Variants in MMS19 observed in about 807,000 individuals in gnomAD.
MMS19 encodes MMS19 cytosolic iron-sulfur assembly component.
MMS19 carries 77 observed loss-of-function variants against 129.8 expected under a neutral mutation model. The observed-to-expected ratio is 0.59, with a 90% CI of 0.49 to 0.72. The LOEUF is 0.72. Ranked by LOEUF, MMS19 falls within the 30% of genes least tolerant of loss-of-function variation. The pLI is 0.00. For synonymous variants in MMS19, 491 were observed against 502.8 expected (o/e 0.98, Z 0.31); for missense variants, 1,168 against 1,266.3 (o/e 0.92, Z 1.18).
intron 19 of MMS19, among the ~76,000 whole-genome samples, chr10:97,463,452 C>A (rs1200737437): frequency 6.6e-6 from 1 of 152,190 alleles, no homozygotes; most frequent in Non-Finnish European, 1.5e-5. Context: ...AACCATGGCG[C>A]CAGCCTAGAC....
intron 1 of MMS19, among the ~76,000 whole-genome samples, chr10:97,485,770 TGA>T (rs1177255849): frequency 6.6e-6 from 1 of 152,186 alleles, no homozygotes; most frequent in East Asian, 1.9e-4. Flanking sequence ...AAAGCACTAG[TGA>T]GATATCACTT....
intron 14 of MMS19, 143 bp downstream of exon 14, chr10:97,467,362 C>G: frequency 1.6e-6 from 1 of 620,012 alleles, no homozygotes; most frequent in East Asian, 2.7e-5. Context: ...TCCATCTCAT[C>G]TGTTAAGTGT....
chr10:97,494,138 C>T (rs1482762715), intron 1 of MMS19, among the ~76,000 whole-genome samples: 6 of 152,160 alleles, frequency 3.9e-5, no homozygotes, highest in African/African-American at 9.7e-5. Context: ...ACGGTATTTT[C>T]GCTGGTATCA....
chr10:97,477,192 T>C (rs2035922829), intron 6 of MMS19, 155 bp downstream of exon 6: 9 of 1,487,756 alleles, frequency 6.0e-6, no homozygotes, highest in African/African-American at 1.4e-5. Context: ...CTTTCTTTAC[T>C]TCACTGGGAG....
At chr10:97,498,627 A>C, upstream of MMS19, 4 of 497,076 alleles carry the variant, frequency 8.0e-6, no homozygotes, top group Non-Finnish European at 3.5e-6. Context: ...AATAATTCCC[A>C]GCCCGGCTCC....
chr10:97,459,887 T>C, intron 26 of MMS19, 146 bp from the exon 27 acceptor site: 5 of 988,538 alleles, frequency 5.1e-6, no homozygotes, highest in Non-Finnish European at 7.5e-6. Flanking sequence ...GATACGCCCA[T>C]GAAAGGAAGA....
chr10:97,498,296 C>T lies in MMS19; in HGVS notation c.89G>A (p.Gly30Asp), dbSNP rs1247790704. 6.4e-7 allele frequency: 1 copy of T among 1,570,462 alleles called. No homozygotes were observed. The highest frequency in any genetic ancestry group is 1.8e-5 in the Admixed American group (1 of 55,494). Reference protein sequence around the residue: ...VHDFVVGQQEGPADQVAADVK... With the variant: ...VHDFVVGQQEDPADQVAADVK... ...ACCTGCAGCCACCTGGTCAGCGGGGCCCTCTTGCTGACCCACGACGAAGTC... is the reference window on the plus strand; with the variant it reads ...ACCTGCAGCCACCTGGTCAGCGGGGTCCTCTTGCTGACCCACGACGAAGTC... The change falls in exon 1 of 31, where the codon GGC (glycine) becomes GAC (aspartate). Residue 30 changes from glycine to aspartate, a missense_variant. Gly to Asp is a moderately conservative substitution (Grantham distance 94). Around this residue, in one of 3 missense-constraint regions of MMS19, gnomAD observed 329 missense variants for 328.6 expected, o/e 1.00. Transcript: ENST00000438925.
intron 1 of MMS19, among the ~76,000 whole-genome samples, chr10:97,494,647 TAACTA>T (rs1429716499): frequency 6.6e-6 from 1 of 152,076 alleles, no homozygotes; most frequent in Non-Finnish European, 1.5e-5. Flanking sequence ...AAAATCCAAA[TAACTA>T]AAAGGAAAAA....
intron 23 of MMS19, 57 bp downstream of exon 23, chr10:97,461,439 T>A (rs2031882422): frequency 3.8e-6 from 6 of 1,581,914 alleles, no homozygotes; most frequent in Non-Finnish European, 5.2e-6. Flanking sequence ...TACTGAGCTA[T>A]AAGATTTCAT....
rs755624583 is a variant in MMS19, at chr10:97,469,735, ACCG to A, written c.847-15_847-13del. 1.4e-5 allele frequency: 22 copies of A among 1,612,694 alleles called. No homozygotes were observed. The highest frequency in any genetic ancestry group is 1.7e-5 in the Non-Finnish European group (20 of 1,179,076). ...GCACAGCAAGCATTCTGCCAAGGAA[ACCG>A]CTGCTATCAGTTATGTACACACTCA... On this transcript the variant is annotated splice_polypyrimidine_tract_variant and intron_variant, in intron 10 of 30. Coordinates refer to ENST00000438925, the MANE Select transcript of MMS19 (RefSeq NM_022362.5).
At chr10:97,461,684 C>A in intron 22 of MMS19, 62 bp from the exon 23 acceptor site, 1 of 1,572,436 alleles carries the variant, frequency 6.4e-7, no homozygotes, top group Non-Finnish European at 8.6e-7. Context: ...AGAACCAGTA[C>A]ATAGTGGCAG....
chr10:97,465,150 C>G (rs1324889608), intron 18 of MMS19, among the ~76,000 whole-genome samples: 1 of 152,098 alleles, frequency 6.6e-6, no homozygotes, highest in Admixed American at 6.5e-5. Flanking sequence ...GCTGGGATTA[C>G]AGGCGCCTGC....
intron 8 of MMS19, among the ~76,000 whole-genome samples, chr10:97,475,143 A>G (rs2088479723): frequency 6.6e-6 from 1 of 152,212 alleles, no homozygotes; most frequent in Admixed American, 6.5e-5. Flanking sequence ...TGAAAGAGCT[A>G]ACTTATATAC....
At chr10:97,498,773 T>TGGCGGC (rs1349313350), upstream of MMS19, 2 of 257,546 alleles carry the variant, frequency 7.8e-6, no homozygotes, top group Admixed American at 1.1e-4. Flanking sequence ...CTGGGGCGGG[T>TGGCGGC]GGTGGCGGCG....
intron 13 of MMS19, 128 bp from the exon 14 acceptor site, chr10:97,467,711 T>C: frequency 2.5e-6 from 2 of 790,382 alleles, no homozygotes; most frequent in Admixed American, 4.9e-5. Flanking sequence ...ACAGCCAGGC[T>C]GGAATACAGT....
chr10:97,466,743 A>G (rs761205688), intron 15 of MMS19, 33 bp downstream of exon 15: 3 of 1,613,856 alleles, frequency 1.9e-6, no homozygotes, highest in South Asian at 1.1e-5. Context: ...AAAAGGACCA[A>G]TATTTTCCTC....
At chr10:97,465,163 C>T (rs1237615631) in intron 18 of MMS19, among the ~76,000 whole-genome samples, 2 of 151,830 alleles carry the variant, frequency 1.3e-5, no homozygotes, top group Non-Finnish European at 2.9e-5. Context: ...GCGCCTGCCA[C>T]CATGACCAGA....
In MMS19 at chr10:97,480,998, A is replaced by T. The variant is rs1384214287; in HGVS notation, c.206T>A (p.Ile69Asn). ...GAGTAGCACCTGTGACAAAAGCTGG[A>T]TTGCTCGTGCCCGAGTTCGGGGTTC... ...NPEPRTRARAIQLLSQVLLHC... is the reference protein window; with the variant it reads ...NPEPRTRARANQLLSQVLLHC... Residue 69 changes from isoleucine (I) to asparagine (N), a missense_variant, in exon 3 of 31, where the codon ATC becomes AAC. By Grantham distance (149) the Ile-to-Asn change is moderately radical (BLOSUM62 -3). This residue lies in a region of MMS19 where 329 missense variants were observed against 328.6 expected (regional missense o/e 1.00). Coordinates refer to ENST00000438925, the MANE Select transcript of MMS19 (RefSeq NM_022362.5). The T allele has an allele frequency of 1.2e-6, 2 of 1,610,552 alleles. No homozygotes were observed. The highest frequency in any genetic ancestry group is 2.7e-5 in the African/African-American group (2 of 74,882).
At chr10:97,491,452 G>A (rs2038872510) in intron 1 of MMS19, among the ~76,000 whole-genome samples, 1 of 151,868 alleles carries the variant, frequency 6.6e-6, no homozygotes, top group Non-Finnish European at 1.5e-5. Context: ...GGATCATGAG[G>A]TCAGGAGATC....
Sources: gnomAD v4.1 joint callset for allele counts (sites outside exome capture counted in the v4.1 genomes callset) on GRCh38, gnomAD v4.1.1 for gene constraint, gnomAD v4.1.1 regional missense constraint, MANE v1.5 for transcripts, NCBI Gene and HGNC (gene_info 2026-07-23, HGNC 2026-07-21) for gene names.